ARHGEF4: variants seen among roughly 807,000 people sequenced by gnomAD.
The protein encoded by ARHGEF4 is Rho guanine nucleotide exchange factor 4.
A neutral mutation model predicts 162.0 loss-of-function variants in ARHGEF4; 119 were observed. The ratio of observed to expected loss-of-function variants is 0.73; its 90% confidence interval spans 0.63 to 0.86. The LOEUF (loss-of-function observed/expected upper bound fraction) is 0.86. Ranked by LOEUF, ARHGEF4 falls within the 40% of genes least tolerant of loss-of-function variation. The pLI, the probability that ARHGEF4 is intolerant of heterozygous loss-of-function variation, is 0.00. For missense variants in ARHGEF4, 2,488 were observed against 2,456.0 expected (o/e 1.01, Z -0.28); for synonymous variants, 1,014 against 979.9 (o/e 1.03, Z -0.65).
At chr2:131,045,842 G>C in intron 13 of ARHGEF4, 196 bp from the exon 14 acceptor site, 1 of 1,455,666 alleles carries the variant, frequency 6.9e-7, no homozygotes, top group Non-Finnish European at 9.0e-7. Context: ...CAGGAGGCCA[G>C]GCCCAGGCCA....
At chr2:131,029,404 C>G (rs754593801) in intron 5 of ARHGEF4, among the ~76,000 whole-genome samples, 17 of 152,090 alleles carry the variant, frequency 1.1e-4, no homozygotes, top group Non-Finnish European at 2.1e-4. Context: ...TACTCAAAAT[C>G]CATGGTGCAT....
At chr2:130,964,836 T>C (rs1488983035) in intron 4 of ARHGEF4, among the ~76,000 whole-genome samples, 1 of 152,236 alleles carries the variant, frequency 6.6e-6, no homozygotes, top group Non-Finnish European at 1.5e-5. Context: ...TGGGACCGTG[T>C]GATCCCTGTA....
intron 1 of ARHGEF4, among the ~76,000 whole-genome samples, chr2:130,869,777 C>T (rs185290937): frequency 8.5e-5 from 13 of 152,288 alleles, no homozygotes; most frequent in Admixed American, 3.9e-4. Context: ...AGGGAACGGC[C>T]GCCTCTTACT....
chr2:131,046,696 A>G lies in ARHGEF4; in HGVS notation c.*507A>G. The G allele has an allele frequency of 6.5e-6, 1 of 154,046 alleles. No homozygotes were observed. The allele number at this position is 154,046 out of a possible 1,614,324, so 9.5% of individuals were successfully genotyped here. The stretch of plus-strand genomic sequence containing the variant: ...CAGGCAGCTTGCCACTTGGGAGGGC[A>G]GAAGCCAGGAATTCCACACCCTTGT... On this transcript the variant is annotated 3_prime_UTR_variant, in exon 14 of 14. Transcript: ENST00000409359.
intron 4 of ARHGEF4, among the ~76,000 whole-genome samples, chr2:130,999,255 G>A (rs1007705694): frequency 2.7e-5 from 4 of 149,514 alleles, no homozygotes; most frequent in South Asian, 2.1e-4. Context: ...CTGGGTTCAC[G>A]CCCATTCTCC....
chr2:130,925,157 AG>A (rs1384315220), intron 2 of ARHGEF4, among the ~76,000 whole-genome samples: 1 of 152,080 alleles, frequency 6.6e-6, no homozygotes, highest in Admixed American at 6.6e-5. Context: ...TTGTATGGAG[AG>A]ATACATACCC....
intron 1 of ARHGEF4, among the ~76,000 whole-genome samples, chr2:130,849,568 C>CT (rs879574941): frequency 2.9e-3 from 411 of 142,848 alleles, no homozygotes; most frequent in Middle Eastern, 0.011. Context: ...ATCTAGGATA[C>CT]TTTTTTTTTT....
At chr2:130,971,639 C>T (rs1685376360) in intron 4 of ARHGEF4, among the ~76,000 whole-genome samples, 1 of 110,190 alleles carries the variant, frequency 9.1e-6, no homozygotes, top group Admixed American at 1.4e-4. Context: ...GCCTGGGCAA[C>T]AGTGGGAGAC....
chr2:131,010,568 G>A (rs553373606), intron 4 of ARHGEF4, among the ~76,000 whole-genome samples: 46 of 152,286 alleles, frequency 3.0e-4, no homozygotes, highest in African/African-American at 1.0e-3. Context: ...GGCCTCTGTC[G>A]AAGAGCAAGC....
intron 4 of ARHGEF4, among the ~76,000 whole-genome samples, chr2:131,012,284 T>A (rs1248076117): frequency 6.6e-6 from 1 of 152,070 alleles, no homozygotes; most frequent in Non-Finnish European, 1.5e-5. Context: ...AACCTTGAGA[T>A]GCATATCAGG....
In ARHGEF4 at chr2:130,963,289, A is replaced by T. The variant is rs139070860; in HGVS notation, c.3985+16654A>T. Reference sequence around the variant, plus strand: ...CGCAGGCGCCCGGTGGTCCACGCTCACCGTGCGCCTGGCTGAGCGCAGATG... The same window carrying T: ...CGCAGGCGCCCGGTGGTCCACGCTCTCCGTGCGCCTGGCTGAGCGCAGATG... On this transcript the variant is annotated intron_variant, in intron 4 of 13. Coordinates refer to ENST00000409359, the MANE Select transcript of ARHGEF4 (RefSeq NM_001367493.1). Among the ~76,000 whole-genome samples the T allele has an allele frequency of 1.6e-3, 241 of 151,920 alleles. 1 individual carries two copies. The highest frequency in any genetic ancestry group is 5.4e-3 in the African/African-American group (222 of 41,444).
chr2:131,003,209 C>G (rs544010466), intron 4 of ARHGEF4, among the ~76,000 whole-genome samples: 1 of 152,134 alleles, frequency 6.6e-6, no homozygotes, highest in Non-Finnish European at 1.5e-5. Flanking sequence ...GAGGACCATC[C>G]CGCACGCACT....
intron 4 of ARHGEF4, among the ~76,000 whole-genome samples, chr2:130,963,397 C>T (rs990495148): frequency 4.0e-5 from 6 of 151,778 alleles, no homozygotes; most frequent in Non-Finnish European, 8.8e-5. Context: ...CGAGCGGGGC[C>T]ACCTGCTTGC....
At chr2:130,961,049 G>C (rs955140494) in intron 4 of ARHGEF4, among the ~76,000 whole-genome samples, 1 of 152,168 alleles carries the variant, frequency 6.6e-6, no homozygotes, top group Non-Finnish European at 1.5e-5. Flanking sequence ...CACTGGCATG[G>C]CACCCTCCAC....
intron 5 of ARHGEF4, among the ~76,000 whole-genome samples, chr2:131,037,290 G>A (rs1690370805): frequency 2.0e-5 from 3 of 152,206 alleles, no homozygotes; most frequent in Admixed American, 2.0e-4. Flanking sequence ...CAGGACCCCT[G>A]GAGGAAAGCA....
chr2:130,954,563 CAA>C (rs1209230712), intron 4 of ARHGEF4, among the ~76,000 whole-genome samples: 1 of 152,154 alleles, frequency 6.6e-6, no homozygotes, highest in Non-Finnish European at 1.5e-5. Context: ...AAAATAATAA[CAA>C]ATATTAAAAA....
intron 1 of ARHGEF4, among the ~76,000 whole-genome samples, chr2:130,859,465 C>T (rs1681926054): frequency 1.7e-5 from 1 of 59,008 alleles, no homozygotes; most frequent in Admixed American, 2.1e-4. Flanking sequence ...ACAGTCCTTA[C>T]AGGCCGAGTG....
intron 4 of ARHGEF4, among the ~76,000 whole-genome samples, chr2:130,987,916 C>G (rs1182640649): frequency 3.9e-5 from 6 of 152,130 alleles, no homozygotes; most frequent in African/African-American, 1.4e-4. Context: ...GGCTTGGGAG[C>G]CACACAGACG....
intron 1 of ARHGEF4, among the ~76,000 whole-genome samples, chr2:130,906,667 G>A (rs1286710748): frequency 6.6e-6 from 1 of 152,234 alleles, no homozygotes; most frequent in Non-Finnish European, 1.5e-5. Context: ...CCATAACTCT[G>A]TGAGAAATGT....
Sources: gnomAD v4.1 joint callset for allele counts (sites outside exome capture counted in the v4.1 genomes callset) on GRCh38, gnomAD v4.1.1 for gene constraint, MANE v1.5 for transcripts, NCBI Gene and HGNC (gene_info 2026-07-23, HGNC 2026-07-21) for gene names.